NCOR2: variants seen among roughly 807,000 people sequenced by gnomAD.
The protein encoded by NCOR2 is CTG repeat protein 26.
Under a neutral mutation model 262.9 loss-of-function variants are expected in NCOR2, and 81 were observed. The observed-to-expected ratio is 0.31, with a 90% CI of 0.26 to 0.37. The LOEUF (loss-of-function observed/expected upper bound fraction) is 0.37. Ranked by LOEUF, NCOR2 falls within the 10% of genes least tolerant of loss-of-function variation. The pLI is 1.00. For missense variants in NCOR2, 3,385 were observed against 3,621.4 expected (o/e 0.93, Z 1.68); for synonymous variants, 1,659 against 1,559.3 (o/e 1.06, Z -1.51).
rs1593333790 is a variant in NCOR2 at position 124,389,802 on chromosome 12, G to A, written c.1877-3915C>T. ...CCCCAAAGAGCCCTCTGCTGCTGGGGGGGTCTCGGGACCACAGCTGCCCCT... is the reference window on the plus strand; with the variant it reads ...CCCCAAAGAGCCCTCTGCTGCTGGGAGGGTCTCGGGACCACAGCTGCCCCT... On this transcript the variant is annotated intron_variant, in intron 16 of 46. Coordinates refer to ENST00000405201, the Ensembl canonical transcript of NCOR2. The surrounding 1 kb of genome is among the most constrained non-coding windows in gnomAD (Gnocchi z 4.4). Among the ~76,000 whole-genome samples, 1 of 152,208 alleles carries A rather than the reference G, an allele frequency of 6.6e-6. No homozygotes were observed. The highest frequency in any genetic ancestry group is 2.4e-5 in the African/African-American group (1 of 41,464).
intron 34 of NCOR2, 71 bp downstream of exon 36, chr12:124,341,752 C>A (rs560493609): frequency 1.3e-6 from 2 of 1,536,882 alleles, no homozygotes; most frequent in East Asian, 4.5e-5. Context: ...CTCCGCGAGG[C>A]CACAGGGGCA....
chr12:124,560,709 G>C (rs887905486), intron 1 of NCOR2, among the ~76,000 whole-genome samples: 8 of 152,244 alleles, frequency 5.3e-5, no homozygotes, highest in Admixed American at 6.5e-5. Context: ...AGGAAACTCA[G>C]GCGCGGGAAG....
At chr12:124,439,348 GAGAGGGAGACAGAGACCCGGAGAC>G (rs2044667458) in intron 7 of NCOR2, among the ~76,000 whole-genome samples, 1 of 4,344 alleles carries the variant, frequency 2.3e-4, no homozygotes, top group Non-Finnish European at 4.7e-4. Context: ...GACCCAGAGA[GAGAGGGAGACAGAGACCCGGAGAC>G]AGAGGGAGAC....
At chr12:124,463,726 G>T (rs2046292387) in intron 5 of NCOR2, among the ~76,000 whole-genome samples, 1 of 152,244 alleles carries the variant, frequency 6.6e-6, no homozygotes, top group Non-Finnish European at 1.5e-5. Context: ...CCAAGGGGCG[G>T]TAAGTCCTGG....
intron 13 of NCOR2, among the ~76,000 whole-genome samples, chr12:124,408,514 A>T (rs965582452): frequency 2.0e-5 from 3 of 152,160 alleles, no homozygotes; most frequent in Non-Finnish European, 4.4e-5. Context: ...TGGGAGGGCC[A>T]GGCAGGAGGA....
chr12:124,443,045 G>A lies in NCOR2; in HGVS notation c.816-5049C>T, dbSNP rs1256246958. Among the ~76,000 whole-genome samples, 1 of 152,238 alleles carries A rather than the reference G, an allele frequency of 6.6e-6. No individual in the cohort carries two copies. Among genetic ancestry groups the A allele is most frequent in the Admixed American group, 6.5e-5 (1 of 15,286 alleles). ...CCTCCCCCAGAGCCTTCTAGAGAAT[G>A]TGGTCCTGCAGCACCTTGATTTCCA... On this transcript the variant is annotated intron_variant, in intron 7 of 46. Coordinates refer to ENST00000405201, the Ensembl canonical transcript of NCOR2. The surrounding 1 kb of genome is among the most constrained non-coding windows in gnomAD (Gnocchi z 4.4).
At chr12:124,428,495 GTC>G (rs1181573989) in intron 10 of NCOR2, among the ~76,000 whole-genome samples, 1 of 152,234 alleles carries the variant, frequency 6.6e-6, no homozygotes, top group African/African-American at 2.4e-5. Flanking sequence ...CTGAATCAGA[GTC>G]TCTGGTGAGA....
chr12:124,364,249 G>A (rs78319218), intron 20 of NCOR2, among the ~76,000 whole-genome samples: 9 of 152,336 alleles, frequency 5.9e-5, no homozygotes, highest in Admixed American at 1.3e-4. Flanking sequence ...GAATCAGCCC[G>A]ATTCAGGGAC....
intron 7 of NCOR2, among the ~76,000 whole-genome samples, chr12:124,447,154 A>G (rs2045228074): frequency 2.0e-5 from 3 of 152,226 alleles, no homozygotes; most frequent in Admixed American, 2.0e-4. Flanking sequence ...ACCTCAAGTT[A>G]TCTGCCCGCC....
In NCOR2 at chr12:124,470,968, G is replaced by A. The variant is rs7968570; in HGVS notation, c.591+1984C>T. On this transcript the variant is annotated intron_variant, in intron 4 of 46. Coordinates refer to ENST00000405201, the Ensembl canonical transcript of NCOR2. Reference sequence around the variant, plus strand: ...TCAGCCCCACCCCAAGGCCAGGCCTGGAAGCCTAACGGTGCGGTACCAGGC... The same window carrying A: ...TCAGCCCCACCCCAAGGCCAGGCCTAGAAGCCTAACGGTGCGGTACCAGGC... Among the ~76,000 whole-genome samples, 1,001 of 152,354 alleles carry A rather than the reference G, an allele frequency of 6.6e-3. 18 individuals carry two copies. The highest frequency in any genetic ancestry group is 0.023 in the African/African-American group (952 of 41,588).
chr12:124,495,736 G>A (rs145964751), upstream of NCOR2, among the ~76,000 whole-genome samples: 25 of 152,258 alleles, frequency 1.6e-4, no homozygotes, highest in East Asian at 4.6e-3. The surrounding 1 kb of genome is among the most constrained non-coding windows in gnomAD (Gnocchi z 4.4). Context: ...TCACAGGGCA[G>A]AATTCCCAGA....
At chr12:124,426,525 G>T in intron 11 of NCOR2, 97 bp downstream of exon 13, 1 of 1,230,836 alleles carries the variant, frequency 8.1e-7, no homozygotes, top group Non-Finnish European at 1.1e-6. Flanking sequence ...AGCACCCCCC[G>T]GCATGCTCAT....
At chr12:124,354,147 G>A in exon 27 of NCOR2, 1 of 1,610,216 alleles carries the variant, frequency 6.2e-7, no homozygotes, top group African/African-American at 1.3e-5. Context: ...CCCGTGTGCT[G>A]GGAATGCCTT....
intron 1 of NCOR2, among the ~76,000 whole-genome samples, chr12:124,488,197 G>T (rs984205264): frequency 1.1e-4 from 17 of 152,204 alleles, no homozygotes; most frequent in Non-Finnish European, 1.5e-5. Context: ...CGTTGATAAT[G>T]TATCTGTTGC....
intron 33 of NCOR2, among the ~76,000 whole-genome samples, chr12:124,342,288 C>T (rs966637798): frequency 6.6e-6 from 1 of 152,232 alleles, no homozygotes; most frequent in Non-Finnish European, 1.5e-5. Flanking sequence ...ATGCTTTTTG[C>T]ATCAAAGTTG....
intron 10 of NCOR2, 116 bp from the exon 13 acceptor site, chr12:124,426,916 G>T: frequency 1.1e-6 from 1 of 932,128 alleles, no homozygotes; most frequent in Non-Finnish European, 1.6e-6. Context: ...CAGGGAAAAC[G>T]CGAAACCAAG....
Position 124,456,234 on chromosome 12 carries a change from T to G in NCOR2, c.762+872A>C, listed in dbSNP as rs114244650. On this transcript the variant is annotated intron_variant, in intron 6 of 46. Transcript: ENST00000405201. ...CTCACACGCACACCCTAGCCCACCATGCACACAGAGACTCTCCCTCATCCG... is the reference window on the plus strand; with the variant it reads ...CTCACACGCACACCCTAGCCCACCAGGCACACAGAGACTCTCCCTCATCCG... Among the ~76,000 whole-genome samples, 1,126 of 152,300 alleles carry G rather than the reference T, an allele frequency of 7.4e-3. 24 individuals are homozygous for G. The highest frequency in any genetic ancestry group is 0.026 in the African/African-American group (1,077 of 41,564).
rs535589754 is a variant in NCOR2, at chr12:124,517,546, G to A, written c.-118+18019C>T. ...CCGGGCGCCGGGGCCGGGCTGCAGC[G>A]CTGCCTGCACCTGGCTCTCCCCTGC... On this transcript the variant is annotated intron_variant, in intron 1 of 46. Coordinates refer to the NCOR2 transcript ENST00000404621. The surrounding 1 kb of genome is among the most constrained non-coding windows in gnomAD (Gnocchi z 7.6). 2.0e-5 allele frequency among the ~76,000 whole-genome samples: 3 copies of A among 152,276 alleles called. No homozygotes were observed. The highest frequency in any genetic ancestry group is 4.8e-5 in the African/African-American group (2 of 41,570).
At chr12:124,384,076 TG>T (rs2040613845) in intron 17 of NCOR2, among the ~76,000 whole-genome samples, 1 of 152,042 alleles carries the variant, frequency 6.6e-6, no homozygotes, top group Non-Finnish European at 1.5e-5. Flanking sequence ...AAAGGACAGC[TG>T]GGGAGAAAGC....
Sources: gnomAD v4.1 joint callset for allele counts (sites outside exome capture counted in the v4.1 genomes callset) on GRCh38, gnomAD v4.1.1 for gene constraint, Gnocchi (gnomAD v3.1) non-coding constraint, MANE v1.5 for transcripts, NCBI Gene and HGNC (gene_info 2026-07-23, HGNC 2026-07-21) for gene names.